Variants in CATSPERT observed in about 807,000 individuals in gnomAD.
CATSPERT encodes the protein catsper channel auxiliary subunit tau, also known as cation channel sperm-associated targeting subunit tau.
chr2:201,579,676 G>A, the CATSPERT span, among the ~76,000 whole-genome samples: 4 of 150,618 alleles, frequency 2.7e-5, no homozygotes, highest in South Asian at 2.1e-4. Context: ...TCTTTGGTGC[G>A]TTTTGGTTTT....
At chr2:201,562,951 A>G in the CATSPERT span, among the ~76,000 whole-genome samples, 56 of 150,364 alleles carry the variant, frequency 3.7e-4, no homozygotes, top group East Asian at 9.9e-3. Context: ...CGATTTCTCA[A>G]TCTTTTCCCC....
the CATSPERT span, among the ~76,000 whole-genome samples, chr2:201,576,686 C>A: frequency 6.6e-6 from 1 of 152,136 alleles, no homozygotes; most frequent in Non-Finnish European, 1.5e-5. Flanking sequence ...GCGGAGTGAA[C>A]GGGAGGTACT....
At chr2:201,494,704 A>G in the CATSPERT span, 9 of 1,533,044 alleles carry the variant, frequency 5.9e-6, no homozygotes, top group Non-Finnish European at 7.0e-6. Context: ...TCTGACTGAC[A>G]TTTTGTTTAT....
chr2:201,578,852 G>A, the CATSPERT span, among the ~76,000 whole-genome samples: 1 of 152,088 alleles, frequency 6.6e-6, no homozygotes, highest in Non-Finnish European at 1.5e-5. Context: ...TTGCCATACA[G>A]TCAAAGGAAC....
chr2:201,616,852 C>T, the CATSPERT span, among the ~76,000 whole-genome samples: 5 of 152,340 alleles, frequency 3.3e-5, no homozygotes, highest in East Asian at 5.8e-4. Context: ...TAAGCAACTT[C>T]AGCAAAGTCT....
chr2:201,601,209 G>C, the CATSPERT span, among the ~76,000 whole-genome samples: 1 of 151,232 alleles, frequency 6.6e-6, no homozygotes, highest in Non-Finnish European at 1.5e-5. Context: ...CCAGCTCTAT[G>C]ACCTTAAGAA....
At chr2:201,578,366 G>A in the CATSPERT span, among the ~76,000 whole-genome samples, 1 of 152,030 alleles carries the variant, frequency 6.6e-6, no homozygotes. Context: ...GCTATATGCT[G>A]TGGTTGTCAT....
At chr2:201,547,366 A>G in the CATSPERT span, 2 of 503,674 alleles carry the variant, frequency 4.0e-6, no homozygotes. Flanking sequence ...CATTATCAAA[A>G]CAGGTAAGTA....
chr2:201,575,268 A>G, the CATSPERT span: 1 of 1,570,242 alleles, frequency 6.4e-7, no homozygotes, highest in Non-Finnish European at 8.6e-7. Flanking sequence ...AGGAAGTTTC[A>G]GTAAAGTCCT....
At chr2:201,551,390 A>G in the CATSPERT span, among the ~76,000 whole-genome samples, 1 of 152,250 alleles carries the variant, frequency 6.6e-6, no homozygotes, top group African/African-American at 2.4e-5. Context: ...ACTCTATTTT[A>G]TCATTTACTA....
the CATSPERT span, among the ~76,000 whole-genome samples, chr2:201,615,654 A>C: frequency 6.6e-6 from 1 of 152,222 alleles, no homozygotes; most frequent in Non-Finnish European, 1.5e-5. Context: ...GAACTAGAGA[A>C]GCAAGAGCAA....
the CATSPERT span, among the ~76,000 whole-genome samples, chr2:201,495,218 C>A: frequency 1.3e-5 from 2 of 151,764 alleles, no homozygotes; most frequent in African/African-American, 4.8e-5. Flanking sequence ...TGAAAAGTAT[C>A]ATAAATATTC....
chr2:201,507,509 G>T, the CATSPERT span, among the ~76,000 whole-genome samples: 1 of 152,076 alleles, frequency 6.6e-6, no homozygotes, highest in African/African-American at 2.4e-5. Context: ...GAATTACCAA[G>T]AAAATGATGA....
chr2:201,547,436 T>G, the CATSPERT span: 8 of 874,638 alleles, frequency 9.1e-6, no homozygotes, highest in Non-Finnish European at 1.3e-5. Context: ...TCACTTTTAA[T>G]TATCATAATC....
the CATSPERT span, among the ~76,000 whole-genome samples, chr2:201,562,920 T>C: frequency 6.7e-6 from 1 of 149,100 alleles, no homozygotes; most frequent in Non-Finnish European, 1.5e-5. Flanking sequence ...TACTTCTTTC[T>C]ACACAGACAC....
the CATSPERT span, among the ~76,000 whole-genome samples, chr2:201,537,116 A>T: frequency 6.6e-6 from 1 of 151,986 alleles, no homozygotes; most frequent in Non-Finnish European, 1.5e-5. Context: ...GATTTTGGTG[A>T]GAAAGAGTAA....
At chr2:201,564,647 G>T in the CATSPERT span, among the ~76,000 whole-genome samples, 1 of 152,062 alleles carries the variant, frequency 6.6e-6, no homozygotes, top group Admixed American at 6.5e-5. Flanking sequence ...GAATGGGATT[G>T]GTACTCTTAT....
the CATSPERT span, among the ~76,000 whole-genome samples, chr2:201,542,438 A>C: frequency 3.3e-5 from 5 of 152,198 alleles, no homozygotes; most frequent in Admixed American, 6.5e-5. Context: ...TTTTTTGAGT[A>C]ACCACCATGC....
At chr2:201,489,243 G>A in the CATSPERT span, among the ~76,000 whole-genome samples, 4 of 152,178 alleles carry the variant, frequency 2.6e-5, no homozygotes, top group Non-Finnish European at 4.4e-5. Flanking sequence ...TAGGATAAGG[G>A]TTCTGAGATC....
Sources: allele counts gnomAD v4.1 joint callset (sites outside exome capture counted in the v4.1 genomes callset), GRCh38; gene constraint gnomAD v4.1.1; transcripts MANE v1.5; gene names NCBI Gene and HGNC (gene_info 2026-07-23, HGNC 2026-07-21).